Variants in NEMF observed in about 807,000 individuals in gnomAD.
NEMF encodes the protein ribosome quality control complex subunit NEMF.
Under a neutral mutation model 162.2 loss-of-function variants are expected in NEMF, and 89 were observed. The observed-to-expected ratio is 0.55, with a 90% CI of 0.46 to 0.65. The LOEUF (loss-of-function observed/expected upper bound fraction) is 0.65. Among genes scored for constraint, NEMF ranks in the 30% least tolerant of loss-of-function variants. The pLI is 0.00. For synonymous variants in NEMF, 421 were observed against 404.5 expected (o/e 1.04, Z -0.49); for missense variants, 1,133 against 1,261.9 (o/e 0.90, Z 1.55).
chr14:49,806,252 ATATATTTTTTT>A lies in NEMF; in HGVS notation c.1745-130_1745-120del, dbSNP rs1318136068. ...TATGTGTATATATATATATATATAT[ATATATTTTTTT>A]TTTTTTTTTTTTTTTTGAGATGGAG... On this transcript the variant is annotated intron_variant, in intron 18 of 32. Transcript: ENST00000298310. The A allele has an allele frequency of 9.0e-4, 15 of 16,742 alleles. No individual in the cohort carries two copies. In the South Asian group the frequency reaches 0.03, roughly 33 times the overall value. 1.0% of individuals were successfully genotyped at this position (16,742 alleles called of 1,614,324 possible). A position where few individuals can be genotyped will look rare whatever the true frequency, so the allele number is the denominator to read the frequency against.
In NEMF at chr14:49,840,520, C is replaced by T. The variant is rs116145698; in HGVS notation, c.506+198G>A. 1.9e-3 allele frequency among the ~76,000 whole-genome samples: 294 copies of T among 151,244 alleles called. 4 individuals carry two copies. The Middle Eastern group carries it at 0.025, about 13-fold the overall frequency. ...GCCTCTCCCAAATAAGACTTAATTG[C>T]TTACATGCACATTTATGTAGTTCAA... On this transcript the variant is annotated intron_variant, in intron 5 of 32. Transcript: ENST00000298310.
intron 16 of NEMF, 96 bp downstream of exon 16, chr14:49,825,771 A>T (rs1892308693): frequency 1.3e-6 from 1 of 797,746 alleles, no homozygotes; most frequent in Non-Finnish European, 2.0e-6. Context: ...CTGGTTTTGT[A>T]ACAAGCTTTG....
intron 6 of NEMF, among the ~76,000 whole-genome samples, chr14:49,837,829 A>C (rs909529959): frequency 4.0e-5 from 6 of 151,854 alleles, no homozygotes; most frequent in East Asian, 1.9e-4. Context: ...AAAAAAAAAA[A>C]AAAACCAAAA....
chr14:49,824,627 G>C (rs1394869135), intron 16 of NEMF, among the ~76,000 whole-genome samples: 1 of 150,728 alleles, frequency 6.6e-6, no homozygotes, highest in East Asian at 1.9e-4. Flanking sequence ...ACGGGGTTTG[G>C]CATGTTGCAC....
rs35392208 is a variant in NEMF, at chr14:49,828,018, T to C, written c.1488+273A>G. 5.3e-3 allele frequency among the ~76,000 whole-genome samples: 810 copies of C among 152,258 alleles called. 2 individuals carry two copies. Among genetic ancestry groups the C allele is most frequent in the Non-Finnish European group, 9.2e-3 (629 of 68,032 alleles). ...AAGAACCAAAGGATTTACTGATGGA[T>C]TGCATGATTTATGGGAAAAGAGTCC... On this transcript the variant is annotated intron_variant, in intron 15 of 32. Coordinates refer to ENST00000298310, the MANE Select transcript of NEMF (RefSeq NM_004713.6).
intron 26 of NEMF, among the ~76,000 whole-genome samples, chr14:49,794,209 CTCCT>C (rs1890582670): frequency 6.6e-6 from 1 of 151,970 alleles, no homozygotes; most frequent in Non-Finnish European, 1.5e-5. Context: ...AGGGAAATCC[CTCCT>C]TATTTCCTTA....
intron 28 of NEMF, 59 bp downstream of exon 28, chr14:49,789,087 G>A (rs1014909070): frequency 1.5e-6 from 2 of 1,350,582 alleles, no homozygotes; most frequent in African/African-American, 1.4e-5. Context: ...CATGTCCTGG[G>A]AACTCCAGGA....
chr14:49,842,332 A>G (rs1893255506), intron 4 of NEMF, among the ~76,000 whole-genome samples: 1 of 152,246 alleles, frequency 6.6e-6, no homozygotes. Flanking sequence ...AATGGAAGGC[A>G]TATGTAGGCT....
At chr14:49,803,511 C>T (rs1348243569) in intron 19 of NEMF, among the ~76,000 whole-genome samples, 1 of 151,432 alleles carries the variant, frequency 6.6e-6, no homozygotes, top group Non-Finnish European at 1.5e-5. Flanking sequence ...GAATCCACTA[C>T]ATCAATAATT....
At chr14:49,845,100 AG>A (rs1893431556) in intron 4 of NEMF, among the ~76,000 whole-genome samples, 1 of 92,426 alleles carries the variant, frequency 1.1e-5, no homozygotes, top group Non-Finnish European at 2.3e-5. Flanking sequence ...TTAGTTAGTT[AG>A]TTTATTTTTG....
rs752640790 is a variant in NEMF at position 49,852,726 on chromosome 14, G to A, written c.28C>T (p.Leu10Phe). The A allele has an allele frequency of 2.5e-6, 4 of 1,614,262 alleles. No individual in the cohort carries two copies. The highest frequency in any genetic ancestry group is 4.5e-5 in the East Asian group (2 of 44,886). The change falls in exon 1 of 33, where the codon CTC becomes TTC. Residue 10 changes from leucine to phenylalanine, a missense_variant. By Grantham distance (22) the Leu-to-Phe change is conservative. Coordinates refer to ENST00000298310, the MANE Select transcript of NEMF (RefSeq NM_004713.6). MKSRFSTID[L>F]RAVLAELNAS... ...TTCAGCTCCGCGAGTACGGCGCGGA[G>A]GTCAATGGTGCTAAAGCGGCTCTTC...
intron 18 of NEMF, 122 bp downstream of exon 18, chr14:49,813,866 A>G (rs1272419756): frequency 4.7e-6 from 3 of 633,804 alleles, no homozygotes; most frequent in Non-Finnish European, 8.6e-6. Flanking sequence ...AGCTTCCCAA[A>G]GTGCTGGGAT....
rs1891015870 is a variant in NEMF at position 49,802,778 on chromosome 14, T to C, written c.1916-51A>G. 3.4e-6 allele frequency: 5 copies of C among 1,471,208 alleles called. No individual in the cohort carries two copies. The South Asian group carries it at 4.8e-5, about 14-fold the overall frequency. 91.1% of individuals were successfully genotyped at this position (1,471,208 alleles called of 1,614,324 possible). On this transcript the variant is annotated intron_variant, in intron 20 of 32. Coordinates refer to ENST00000298310, the MANE Select transcript of NEMF (RefSeq NM_004713.6). Reference sequence around the variant, plus strand: ...CTTTGAAAATCAGTCTTCTCCATTTTTTGCTTGTAAAACAAAAAAAAATTA... The same window carrying C: ...CTTTGAAAATCAGTCTTCTCCATTTCTTGCTTGTAAAACAAAAAAAAATTA...
chr14:49,794,160 G>A (rs1890580630), intron 26 of NEMF, among the ~76,000 whole-genome samples: 1 of 151,902 alleles, frequency 6.6e-6, no homozygotes, highest in Admixed American at 6.6e-5. Flanking sequence ...ATAACATGCT[G>A]TTGTAAAAAT....
At chr14:49,820,506 T>C (rs1490995551) in intron 16 of NEMF, 1 of 456,540 alleles carries the variant, frequency 2.2e-6, no homozygotes. Flanking sequence ...CGGTGGCTCA[T>C]GCCTATAATC....
At chr14:49,805,912 A>C in intron 19 of NEMF, 109 bp downstream of exon 19, 1 of 562,778 alleles carries the variant, frequency 1.8e-6, no homozygotes, top group Non-Finnish European at 3.1e-6. Flanking sequence ...CTCTACCAAA[A>C]AGAGTTAGCT....
chr14:49,834,497 T>TTTTG, intron 6 of NEMF, 48 bp from the exon 7 acceptor site: 1 of 1,344,386 alleles, frequency 7.4e-7, no homozygotes. Flanking sequence ...ATAAATTCTT[T>TTTTG]TTTGTTTTTG....
chr14:49,798,954 C>T (rs778797218), intron 25 of NEMF, among the ~76,000 whole-genome samples: 1 of 151,878 alleles, frequency 6.6e-6, no homozygotes, highest in Non-Finnish European at 1.5e-5. Flanking sequence ...TGGCTCATGT[C>T]TGTAATCCCA....
intron 28 of NEMF, chr14:49,787,024 T>C (rs191436437): frequency 1.4e-4 from 47 of 334,434 alleles, no homozygotes; most frequent in Non-Finnish European, 2.5e-4. Flanking sequence ...GAAACTTTCA[T>C]ATAAAGTATA....
Sources: allele counts gnomAD v4.1 joint callset (sites outside exome capture counted in the v4.1 genomes callset), GRCh38; gene constraint gnomAD v4.1.1; transcripts MANE v1.5; gene names NCBI Gene and HGNC (gene_info 2026-07-23, HGNC 2026-07-21).